The following DNER variants were observed in gnomAD, a reference collection of about 807,000 sequenced individuals.
The protein encoded by DNER is delta/notch like EGF repeat containing, also known as delta and Notch-like epidermal growth factor-related receptor.
A neutral mutation model predicts 78.2 loss-of-function variants in DNER; 33 were observed. The ratio of observed to expected loss-of-function variants is 0.42; its 90% CI spans 0.32 to 0.56. The LOEUF is 0.56. Among genes scored for constraint, DNER ranks in the 20% least tolerant of loss-of-function variants. The pLI, the probability that DNER is intolerant of heterozygous loss-of-function variation, is 0.11. For synonymous variants in DNER, 417 were observed against 384.8 expected, an observed-to-expected ratio of 1.08 and a Z score of -0.98; for missense variants, 918 against 975.3, an observed-to-expected ratio of 0.94 and a Z score of 0.78.
At chr2:229,451,007 C>T (rs1448843867) in intron 7 of DNER, among the ~76,000 whole-genome samples, 2 of 152,162 alleles carry the variant, frequency 1.3e-5, no homozygotes, top group African/African-American at 4.8e-5. Context: ...ATGGCAAGGC[C>T]CCCTTTCTCC....
chr2:229,686,925 C>A (rs1699492753), intron 1 of DNER, among the ~76,000 whole-genome samples: 1 of 152,214 alleles, frequency 6.6e-6, no homozygotes, highest in African/African-American at 2.4e-5. Context: ...GCCAAAATCC[C>A]AAAATCTTTA....
intron 5 of DNER, among the ~76,000 whole-genome samples, chr2:229,545,396 G>A (rs567617441): frequency 5.8e-4 from 88 of 152,184 alleles, no homozygotes; most frequent in African/African-American, 1.9e-3. Context: ...CCAACATGGT[G>A]AAACCCCGTC....
At chr2:229,531,387 A>G (rs1375549535) in intron 5 of DNER, among the ~76,000 whole-genome samples, 1 of 152,256 alleles carries the variant, frequency 6.6e-6, no homozygotes, top group African/African-American at 2.4e-5. Flanking sequence ...TAAAGCACCT[A>G]TAATATTTTT....
At chr2:229,677,507 C>T (rs998305635) in intron 1 of DNER, among the ~76,000 whole-genome samples, 7 of 152,178 alleles carry the variant, frequency 4.6e-5, no homozygotes, top group Non-Finnish European at 1.0e-4. Flanking sequence ...GGAGTAGAAG[C>T]CAGGTGTAAA....
chr2:229,371,065 T>C (rs1347722295), intron 11 of DNER, among the ~76,000 whole-genome samples: 5 of 152,176 alleles, frequency 3.3e-5, no homozygotes, highest in Non-Finnish European at 7.3e-5. Flanking sequence ...TTCTCAAGAT[T>C]TCTCCTAAAA....
intron 7 of DNER, among the ~76,000 whole-genome samples, chr2:229,466,575 C>A (rs533200001): frequency 7.9e-5 from 12 of 152,240 alleles, no homozygotes; most frequent in African/African-American, 2.6e-4. Flanking sequence ...TGCTGTCTCT[C>A]GGGGCCACTA....
intron 7 of DNER, among the ~76,000 whole-genome samples, chr2:229,472,141 T>A (rs1282448582): frequency 6.6e-6 from 1 of 152,228 alleles, no homozygotes; most frequent in African/African-American, 2.4e-5. Context: ...TCATACAAAA[T>A]CTATGTATTC....
At chr2:229,484,916 C>T (rs928437417) in intron 6 of DNER, among the ~76,000 whole-genome samples, 10 of 152,142 alleles carry the variant, frequency 6.6e-5, no homozygotes, top group Non-Finnish European at 1.0e-4. Flanking sequence ...ACCTTCAGAA[C>T]ATTTTTTAAA....
At chr2:229,501,768 T>C (rs78108953) in intron 6 of DNER, among the ~76,000 whole-genome samples, 5,527 of 152,322 alleles carry the variant, frequency 0.036, 167 homozygotes, top group African/African-American at 0.08. Context: ...GGTTTTTGTG[T>C]ATTTATCTGG....
intron 8 of DNER, among the ~76,000 whole-genome samples, chr2:229,432,853 C>T (rs148907381): frequency 6.6e-6 from 1 of 152,310 alleles, no homozygotes; most frequent in East Asian, 1.9e-4. Flanking sequence ...ATCTCTGACT[C>T]TCACAAATGC....
At chr2:229,585,667 A>G (rs1213733718) in intron 4 of DNER, among the ~76,000 whole-genome samples, 191 bp downstream of exon 4, 1 of 152,088 alleles carries the variant, frequency 6.6e-6, no homozygotes, top group Non-Finnish European at 1.5e-5. Flanking sequence ...CATCAAAAAA[A>G]AAAAAAAGAA....
chr2:229,440,498 T>C (rs1008161949), intron 8 of DNER, among the ~76,000 whole-genome samples: 4 of 152,110 alleles, frequency 2.6e-5, no homozygotes, highest in Non-Finnish European at 5.9e-5. Flanking sequence ...ACCTCCAACC[T>C]CAAAGCAAGA....
chr2:229,672,984 G>A (rs1699235297), intron 1 of DNER, among the ~76,000 whole-genome samples: 1 of 152,182 alleles, frequency 6.6e-6, no homozygotes, highest in African/African-American at 2.4e-5. Context: ...GCCGCCCTGT[G>A]CACTGCTCTC....
At chr2:229,425,740 G>A (rs796135925) in intron 8 of DNER, among the ~76,000 whole-genome samples, 6 of 152,288 alleles carry the variant, frequency 3.9e-5, no homozygotes, top group African/African-American at 1.4e-4. Flanking sequence ...GTAGCCAGAT[G>A]GCTTTCACAC....
At chr2:229,494,808 A>G (rs1230168248) in intron 6 of DNER, among the ~76,000 whole-genome samples, 1 of 152,166 alleles carries the variant, frequency 6.6e-6, no homozygotes, top group African/African-American at 2.4e-5. Flanking sequence ...GAATAGCTCT[A>G]TATTCCACTC....
At chr2:229,624,133 A>G (rs1347411870) in intron 1 of DNER, among the ~76,000 whole-genome samples, 1 of 152,230 alleles carries the variant, frequency 6.6e-6, no homozygotes, top group African/African-American at 2.4e-5. Context: ...CAGACACAAC[A>G]GAAAGCTGGG....
intron 10 of DNER, among the ~76,000 whole-genome samples, chr2:229,400,423 T>A (rs1340007152): frequency 6.6e-6 from 1 of 151,732 alleles, no homozygotes; most frequent in African/African-American, 2.4e-5. Context: ...ATTCTCCAAT[T>A]AAAAAAACCA....
At chr2:229,513,206 T>G (rs12694816) in intron 5 of DNER, among the ~76,000 whole-genome samples, 42,459 of 152,202 alleles carry the variant, frequency 0.28, 6,955 homozygotes, top group Non-Finnish European at 0.38. Context: ...GAACTTGTTT[T>G]AAGCTAAAAT....
chr2:229,696,223 C>T (rs955142188), intron 1 of DNER, among the ~76,000 whole-genome samples: 1 of 152,184 alleles, frequency 6.6e-6, no homozygotes, highest in African/African-American at 2.4e-5. Context: ...CATTAAAAAA[C>T]CAGCAATATA....
Sources: allele counts gnomAD v4.1 joint callset (sites outside exome capture counted in the v4.1 genomes callset), GRCh38; gene constraint gnomAD v4.1.1; transcripts MANE v1.5; gene names NCBI Gene and HGNC (gene_info 2026-07-23, HGNC 2026-07-21).